Variants in USP34 observed in about 807,000 individuals in gnomAD.
The protein encoded by USP34 is ubiquitin carboxyl-terminal hydrolase 34.
In USP34, 70 loss-of-function variants were observed where a neutral mutation model predicts 460.3. The ratio of observed to expected loss-of-function variants is 0.15; its 90% CI spans 0.13 to 0.19. The LOEUF (loss-of-function observed/expected upper bound fraction) is 0.19. Ranked by LOEUF, USP34 falls within the 10% of genes least tolerant of loss-of-function variation. The pLI is 1.00. For synonymous variants in USP34, 1,647 were observed against 1,405.3 expected (o/e 1.17, Z -3.85); for missense variants, 3,985 against 4,236.2 (o/e 0.94, Z 1.65).
At position 61,204,357 on chromosome 2, in the gene USP34, A is replaced by C. The variant is rs751384739; in HGVS notation, c.9283T>G (p.Cys3095Gly). 13 of 1,614,218 alleles carry C rather than the reference A, an allele frequency of 8.1e-6. No individual in the cohort carries two copies. The highest frequency in any genetic ancestry group is 1.1e-5 in the South Asian group (1 of 91,090). Reference sequence around the variant, plus strand: ...CCTATTAGCTTGATATTTTCTCGACAAGGGAAATAAGGTCCAAGAGACACT... The same window carrying C: ...CCTATTAGCTTGATATTTTCTCGACCAGGGAAATAAGGTCCAAGAGACACT... ...IPMSLGPYFP[C>G]RENIKLIGGK... Residue 3095 changes from cysteine to glycine, a missense_variant, in exon 74 of 80, where the codon TGT (cysteine) becomes GGT (glycine). Cys to Gly is a radical substitution (Grantham distance 159, BLOSUM62 -3). Coordinates refer to ENST00000398571, the MANE Select transcript of USP34 (RefSeq NM_014709.4).
At chr2:61,244,006 T>C (rs950510682) in intron 51 of USP34, among the ~76,000 whole-genome samples, 12 of 152,122 alleles carry the variant, frequency 7.9e-5, no homozygotes, top group Non-Finnish European at 1.5e-4. Flanking sequence ...CTTTTCTTTT[T>C]CCATTCAGCA....
At chr2:61,348,505 A>T (rs760043287) in intron 14 of USP34, 25 bp from the exon 15 acceptor site, 2 of 1,590,640 alleles carry the variant, frequency 1.3e-6, no homozygotes, top group African/African-American at 2.7e-5. Context: ...AAATAGATTT[A>T]AATAAATATT....
intron 10 of USP34, among the ~76,000 whole-genome samples, chr2:61,369,723 T>G (rs1173847511): frequency 6.8e-6 from 1 of 147,788 alleles, no homozygotes; most frequent in Non-Finnish European, 1.5e-5. Context: ...TAAAAAGCAC[T>G]TCATATATTG....
intron 71 of USP34, among the ~76,000 whole-genome samples, chr2:61,206,392 A>G (rs182245201): frequency 6.6e-6 from 1 of 152,234 alleles, no homozygotes; most frequent in African/African-American, 2.4e-5. Flanking sequence ...TTATAGGGAC[A>G]TAAGACAGGT....
At chr2:61,279,579 C>T (rs1399780472) in intron 39 of USP34, among the ~76,000 whole-genome samples, 1 of 152,126 alleles carries the variant, frequency 6.6e-6, no homozygotes, top group Non-Finnish European at 1.5e-5. Context: ...GCGATTCTGC[C>T]TCAGCCCTCC....
chr2:61,240,888 A>C (rs1055604600), intron 53 of USP34, among the ~76,000 whole-genome samples: 2 of 152,184 alleles, frequency 1.3e-5, no homozygotes. Context: ...AATACATTTT[A>C]ATGGCATTTC....
chr2:61,343,900 C>T lies in USP34; in HGVS notation c.2415G>A (p.Gln805=). The T allele has an allele frequency of 6.2e-7, 1 of 1,613,946 alleles. No individual in the cohort carries two copies. The highest frequency in any genetic ancestry group is 8.5e-7 in the Non-Finnish European group (1 of 1,179,922). Residue 805 remains glutamine (Q), a synonymous_variant, in exon 16 of 80, where the codon CAG becomes CAA. Coordinates refer to ENST00000398571, the MANE Select transcript of USP34 (RefSeq NM_014709.4). Reference sequence around the variant, plus strand: ...ATGTCAGTTCCGCATGTGAATTAATCTGAACTAGCTCCTCTTCACATCCAG... The same window carrying T: ...ATGTCAGTTCCGCATGTGAATTAATTTGAACTAGCTCCTCTTCACATCCAG... The part of the protein sequence containing the change: ...EESGCEEELV[Q]INSHAELTSH...
chr2:61,438,620 AAAC>A (rs1270327603), intron 1 of USP34, among the ~76,000 whole-genome samples: 2 of 50,696 alleles, frequency 3.9e-5, no homozygotes, highest in Non-Finnish European at 7.2e-5. Flanking sequence ...ACAAAAACAA[AAAC>A]AAAAAAAAAA....
rs1245718967 is a variant in USP34 at position 61,221,619 on chromosome 2, T to C, written c.7795-13A>G. On this transcript the variant is annotated splice_polypyrimidine_tract_variant and intron_variant, in intron 65 of 79. Coordinates refer to ENST00000398571, the MANE Select transcript of USP34 (RefSeq NM_014709.4). ...AAGGATTGGCTGCCTGTAAAACACA[T>C]ACATGACTGTGTATTTAGATCAATC... is the stretch of plus-strand genomic sequence containing the variant. 1.9e-6 allele frequency: 3 copies of C among 1,609,886 alleles called. No homozygotes were observed. The highest frequency in any genetic ancestry group is 2.7e-5 in the African/African-American group (2 of 74,802).
intron 1 of USP34, among the ~76,000 whole-genome samples, chr2:61,458,624 A>G (rs1351557109): frequency 1.2e-4 from 1 of 8,390 alleles, no homozygotes; most frequent in East Asian, 1.6e-3. Context: ...GCAAAAAGGA[A>G]AAAAAAAAAA....
chr2:61,339,008 T>C (rs780047438), intron 18 of USP34, among the ~76,000 whole-genome samples: 3 of 152,190 alleles, frequency 2.0e-5, no homozygotes, highest in Non-Finnish European at 4.4e-5. Flanking sequence ...TTATTTAGCA[T>C]CCTTTATGAG....
intron 1 of USP34, among the ~76,000 whole-genome samples, chr2:61,438,120 A>G (rs1016123204): frequency 6.6e-6 from 1 of 152,214 alleles, no homozygotes; most frequent in Non-Finnish European, 1.5e-5. Context: ...ATTCTGGCAA[A>G]CCAAATCCAA....
chr2:61,369,027 T>C (rs1692524984), intron 10 of USP34, among the ~76,000 whole-genome samples: 1 of 152,012 alleles, frequency 6.6e-6, no homozygotes, highest in Non-Finnish European at 1.5e-5. Context: ...ATATGAACAA[T>C]TCCAGAAAAA....
intron 18 of USP34, among the ~76,000 whole-genome samples, chr2:61,334,432 C>G (rs548476428): frequency 3.9e-5 from 6 of 152,190 alleles, no homozygotes; most frequent in African/African-American, 1.4e-4. Context: ...AGATCTGAGT[C>G]TGCCTATCCT....
chr2:61,194,710 CTT>C (rs972385762), intron 75 of USP34, among the ~76,000 whole-genome samples: 2 of 152,214 alleles, frequency 1.3e-5, no homozygotes, highest in African/African-American at 2.4e-5. Context: ...AATCCCAACA[CTT>C]TGGGAGGCCA....
chr2:61,392,171 A>G (rs2103894852), intron 5 of USP34, among the ~76,000 whole-genome samples: 1 of 152,220 alleles, frequency 6.6e-6, no homozygotes, highest in African/African-American at 2.4e-5. Context: ...CTCTACAAAA[A>G]CAATTTTTAA....
In USP34 at chr2:61,187,528, A is replaced by G; in HGVS notation, c.*574T>C. 6 of 981,472 alleles carry G rather than the reference A, an allele frequency of 6.1e-6. No homozygotes were observed. The highest frequency in any genetic ancestry group is 7.3e-6 in the Non-Finnish European group (6 of 825,808). 60.8% of individuals were successfully genotyped at this position (981,472 alleles called of 1,614,324 possible). A position where few individuals can be genotyped will look rare whatever the true frequency, so the allele number is the denominator to read the frequency against. ...AGCAATCAATCAATCAGTCATGTCAATAAAAATAAAACAATTATTTTTACA... is the reference window on the plus strand; with the variant it reads ...AGCAATCAATCAATCAGTCATGTCAGTAAAAATAAAACAATTATTTTTACA... On this transcript the variant is annotated 3_prime_UTR_variant, in exon 80 of 80. Coordinates refer to ENST00000398571, the MANE Select transcript of USP34 (RefSeq NM_014709.4).
At chr2:61,405,523 GA>G (rs1333227724) in intron 3 of USP34, among the ~76,000 whole-genome samples, 184 bp downstream of exon 3, 1 of 152,146 alleles carries the variant, frequency 6.6e-6, no homozygotes, top group Non-Finnish European at 1.5e-5. Context: ...TTGATAGGAT[GA>G]ACTATGCCGA....
At chr2:61,415,753 A>G (rs1401217410) in intron 2 of USP34, among the ~76,000 whole-genome samples, 2 of 152,184 alleles carry the variant, frequency 1.3e-5, no homozygotes, top group African/African-American at 2.4e-5. Context: ...TATCATACAT[A>G]TCCTCCCACC....
Sources: allele counts gnomAD v4.1 joint callset (sites outside exome capture counted in the v4.1 genomes callset), GRCh38; gene constraint gnomAD v4.1.1; transcripts MANE v1.5; gene names NCBI Gene and HGNC (gene_info 2026-07-23, HGNC 2026-07-21).